Variants in FER observed in about 807,000 individuals in gnomAD.
FER encodes tyrosine-protein kinase Fer.
In FER, 63 loss-of-function variants were observed where a neutral mutation model predicts 111.0. The observed-to-expected ratio is 0.57, with a 90% CI of 0.46 to 0.70. FER has a LOEUF of 0.70. Among genes scored for constraint, FER ranks in the 30% least tolerant of loss-of-function variants. The pLI is 0.00. For synonymous variants in FER, 327 were observed against 313.9 expected (o/e 1.04, Z -0.44); for missense variants, 914 against 954.0 (o/e 0.96, Z 0.55).
intron 16 of FER, chr5:109,051,620 T>A: frequency 1.3e-6 from 2 of 1,597,076 alleles, no homozygotes; most frequent in Middle Eastern, 3.3e-4. Flanking sequence ...GGAAGAGACA[T>A]AGGCGAGAGG....
chr5:109,106,152 G>A (rs67436896), intron 17 of FER, among the ~76,000 whole-genome samples: 60,538 of 152,086 alleles, frequency 0.4, 12,761 homozygotes, highest in African/African-American at 0.54. Flanking sequence ...GCAGAAGGCC[G>A]AATGGTATTT....
chr5:108,960,876 T>G (rs554571967), intron 13 of FER, among the ~76,000 whole-genome samples: 42 of 152,286 alleles, frequency 2.8e-4, no homozygotes, highest in South Asian at 1.2e-3. Flanking sequence ...TTCTTTTACA[T>G]CACTGCCCTC....
chr5:108,844,223 C>T (rs1351079457), intron 5 of FER, among the ~76,000 whole-genome samples: 1 of 145,784 alleles, frequency 6.9e-6, no homozygotes, highest in Non-Finnish European at 1.5e-5. Context: ...ATTGTAACAT[C>T]ATAACATTTC....
Position 109,195,196 on chromosome 5 carries a change from G to C in FER, c.*7621G>C, listed in dbSNP as rs952568874. ...AAATGCCGAGGGAAAGGTGCCCAGAGCCATGCTTGATAGGACTTTGAATAT... is the reference window on the plus strand; with the variant it reads ...AAATGCCGAGGGAAAGGTGCCCAGACCCATGCTTGATAGGACTTTGAATAT... On this transcript the variant is annotated 3_prime_UTR_variant, in exon 20 of 20. Transcript: ENST00000281092. The C allele has an allele frequency of 2.6e-5, 4 of 152,202 alleles. No individual in the cohort carries two copies. Among genetic ancestry groups the C allele is most frequent in the African/African-American group, 9.7e-5 (4 of 41,446 alleles). The allele number at this position is 152,202 out of a possible 1,614,324, so 9.4% of individuals were successfully genotyped here. A position where few individuals can be genotyped will look rare whatever the true frequency, so the allele number is the denominator to read the frequency against.
intron 17 of FER, among the ~76,000 whole-genome samples, chr5:109,116,640 G>T (rs572891545): frequency 1.3e-5 from 2 of 152,156 alleles, no homozygotes; most frequent in South Asian, 4.1e-4. Flanking sequence ...CATGTTGCTT[G>T]TGCTGATGTC....
At chr5:109,122,867 G>A (rs1287336385) in intron 17 of FER, among the ~76,000 whole-genome samples, 1 of 152,050 alleles carries the variant, frequency 6.6e-6, no homozygotes, top group Non-Finnish European at 1.5e-5. Flanking sequence ...TATTTGTTGT[G>A]ATGTAAGTAT....
intron 10 of FER, among the ~76,000 whole-genome samples, chr5:108,922,098 A>G (rs1297042644): frequency 6.6e-6 from 1 of 152,196 alleles, no homozygotes; most frequent in Non-Finnish European, 1.5e-5. Context: ...TTATGCTATC[A>G]CAAGCAAAGG....
At chr5:109,115,867 T>G (rs923865390) in intron 17 of FER, among the ~76,000 whole-genome samples, 2 of 152,096 alleles carry the variant, frequency 1.3e-5, no homozygotes, top group Non-Finnish European at 2.9e-5. Flanking sequence ...ACCCCTCTCC[T>G]CCTTTTCTCA....
At chr5:108,998,559 C>A (rs147408128) in intron 13 of FER, among the ~76,000 whole-genome samples, 1 of 152,280 alleles carries the variant, frequency 6.6e-6, no homozygotes, top group African/African-American at 2.4e-5. Context: ...TCCCTGGGAG[C>A]TGCAGACTGG....
intron 10 of FER, among the ~76,000 whole-genome samples, chr5:108,911,057 A>G (rs971584510): frequency 5.3e-5 from 8 of 152,136 alleles, no homozygotes; most frequent in Non-Finnish European, 7.4e-5. Context: ...GTTGTTTTCC[A>G]TAGAAGTTTA....
At chr5:108,820,519 G>A in intron 3 of FER, 1 of 985,388 alleles carries the variant, frequency 1.0e-6, no homozygotes, top group Non-Finnish European at 1.2e-6. Flanking sequence ...TATTGGGAAA[G>A]AAAAGGTAAT....
intron 15 of FER, among the ~76,000 whole-genome samples, chr5:109,045,249 A>G (rs892009): frequency 0.54 from 81,964 of 150,934 alleles, 22,986 homozygotes; most frequent in African/African-American, 0.62. Context: ...CAACTGTATA[A>G]CTTACATATA....
At chr5:108,879,701 A>AAAATATATAT in intron 8 of FER, among the ~76,000 whole-genome samples, 3 of 99,128 alleles carry the variant, frequency 3.0e-5, no homozygotes, top group African/African-American at 1.4e-4. Context: ...ATTAAAAAAA[A>AAAATATATAT]ATATATATAT....
chr5:108,880,930 A>T (rs62360792), intron 8 of FER, among the ~76,000 whole-genome samples: 5,819 of 152,280 alleles, frequency 0.038, 176 homozygotes, highest in Middle Eastern at 0.088. Context: ...TATGTATAAT[A>T]GTTTTTCTGC....
chr5:109,095,814 G>T (rs1226384117), intron 16 of FER, among the ~76,000 whole-genome samples: 2 of 152,018 alleles, frequency 1.3e-5, no homozygotes, highest in African/African-American at 4.8e-5. Context: ...TTTAGTATTT[G>T]CCTTGATTAC....
chr5:108,774,503 A>C (rs976587241), intron 2 of FER, among the ~76,000 whole-genome samples: 46 of 152,266 alleles, frequency 3.0e-4, no homozygotes, highest in African/African-American at 1.0e-3. Context: ...TGGTTGAACT[A>C]ATTTACATTC....
intron 9 of FER, among the ~76,000 whole-genome samples, chr5:108,885,996 G>C (rs562533738): frequency 4.5e-4 from 69 of 151,986 alleles, no homozygotes; most frequent in African/African-American, 1.6e-3. Flanking sequence ...CTCTTCACAT[G>C]TTTATAGATG....
chr5:108,918,723 A>T (rs1019944355), intron 10 of FER, among the ~76,000 whole-genome samples: 1 of 151,810 alleles, frequency 6.6e-6, no homozygotes, highest in African/African-American at 2.4e-5. Flanking sequence ...TCCTGACCTC[A>T]TGATCCGCCC....
intron 16 of FER, among the ~76,000 whole-genome samples, chr5:109,075,858 A>G (rs186702837): frequency 1.2e-4 from 19 of 152,248 alleles, no homozygotes; most frequent in Admixed American, 8.5e-4. Flanking sequence ...TTCAGTTTGA[A>G]ATGTTTCTTC....
Sources: allele counts gnomAD v4.1 joint callset (sites outside exome capture counted in the v4.1 genomes callset), GRCh38; gene constraint gnomAD v4.1.1; transcripts MANE v1.5; gene names NCBI Gene and HGNC (gene_info 2026-07-23, HGNC 2026-07-21).